The following DDC variants were observed in gnomAD, a reference collection of about 807,000 sequenced individuals.
DDC encodes the protein dopa decarboxylase.
In DDC, 43 loss-of-function variants were observed where a neutral mutation model predicts 60.0. The ratio of observed to expected loss-of-function variants is 0.72; its 90% CI spans 0.56 to 0.92. DDC has a LOEUF of 0.92. Ranked by LOEUF, DDC falls within the 40% of genes least tolerant of loss-of-function variation. DDC has a pLI of 0.00. For synonymous variants in DDC, 232 were observed against 234.6 expected (o/e 0.99, Z 0.10); for missense variants, 573 against 620.2 (o/e 0.92, Z 0.81).
chr7:50,467,185 A>G, intron 13 of DDC, 29 bp downstream of exon 13: 9 of 1,566,776 alleles, frequency 5.7e-6, no homozygotes, highest in Non-Finnish European at 7.9e-6. Flanking sequence ...ATTCACAGAA[A>G]ATGAAGAATG....
In DDC at chr7:50,465,245, T is replaced by C. The variant is rs765302471; in HGVS notation, c.1243-1814A>G. Among the ~76,000 whole-genome samples, 9 of 152,188 alleles carry C rather than the reference T, an allele frequency of 5.9e-5. 1 individual carries two copies. Among genetic ancestry groups the C allele is most frequent in the Admixed American group, 1.3e-4 (2 of 15,282 alleles). ...AAACCTACAGAGACAGAAAACAGAT[T>C]AGTAGCCCTGAGGATGGGGAAAGTG... is the stretch of plus-strand genomic sequence containing the variant. On this transcript the variant is annotated intron_variant, in intron 13 of 14. Coordinates refer to ENST00000444124, the MANE Select transcript of DDC (RefSeq NM_001082971.2).
chr7:50,522,058 G>C (rs1204097418), intron 6 of DDC, among the ~76,000 whole-genome samples: 1 of 151,944 alleles, frequency 6.6e-6, no homozygotes, highest in Non-Finnish European at 1.5e-5. Flanking sequence ...AACTCTCCCA[G>C]AACTAAGTAA....
chr7:50,524,223 T>C (rs140035508), intron 6 of DDC, among the ~76,000 whole-genome samples: 18 of 152,308 alleles, frequency 1.2e-4, no homozygotes, highest in Non-Finnish European at 2.2e-4. Context: ...CTATTCTGTG[T>C]AACACTGAAA....
chr7:50,461,148 A>G (rs145549840), intron 14 of DDC, among the ~76,000 whole-genome samples: 327 of 152,334 alleles, frequency 2.1e-3, no homozygotes, highest in African/African-American at 7.1e-3. Flanking sequence ...AATTTCTCCA[A>G]TGAAACAGAG....
intron 1 of DDC, among the ~76,000 whole-genome samples, chr7:50,556,409 G>A (rs2045189337): frequency 6.6e-6 from 1 of 152,024 alleles, no homozygotes; most frequent in Non-Finnish European, 1.5e-5. Context: ...CATTCATGAG[G>A]GCTCTGACTT....
At chr7:50,532,441 C>G (rs960078864) in intron 4 of DDC, among the ~76,000 whole-genome samples, 2 of 152,200 alleles carry the variant, frequency 1.3e-5, no homozygotes, top group Non-Finnish European at 2.9e-5. Context: ...CTCTGGACAC[C>G]AACCCAAGCC....
At chr7:50,467,183 A>G (rs1159632756) in intron 13 of DDC, 31 bp downstream of exon 13, 1 of 1,566,722 alleles carries the variant, frequency 6.4e-7, no homozygotes, top group Non-Finnish European at 8.8e-7. Context: ...ACATTCACAG[A>G]AAATGAAGAA....
At position 50,514,998 on chromosome 7, in the gene DDC, G is replaced by A. The variant is rs569676201; in HGVS notation, c.715-10939C>T. On this transcript the variant is annotated intron_variant, in intron 6 of 14. Transcript: ENST00000444124. ...AAGGTTGGAAAACATATTTGGGGGA[G>A]TAATTGAGGAAAATTTCCCCGACCT... is the stretch of plus-strand genomic sequence containing the variant. 2.0e-5 allele frequency among the ~76,000 whole-genome samples: 3 copies of A among 152,304 alleles called. No homozygotes were observed. The South Asian group carries it at 6.2e-4, about 32-fold the overall frequency.
chr7:50,471,821 C>G (rs2042539473), intron 11 of DDC, among the ~76,000 whole-genome samples: 1 of 152,146 alleles, frequency 6.6e-6, no homozygotes, highest in Admixed American at 6.5e-5. Flanking sequence ...AGAAGAACCC[C>G]TTATCCCACC....
At chr7:50,523,674 C>T (rs2043959048) in intron 6 of DDC, among the ~76,000 whole-genome samples, 1 of 152,132 alleles carries the variant, frequency 6.6e-6, no homozygotes, top group Admixed American at 6.5e-5. Flanking sequence ...AAAAAATTAA[C>T]AGCTGACAAA....
intron 1 of DDC, among the ~76,000 whole-genome samples, chr7:50,561,239 T>A (rs1199440977): frequency 6.6e-6 from 1 of 151,754 alleles, no homozygotes; most frequent in East Asian, 2.0e-4. Flanking sequence ...CCTAGCAGGA[T>A]GGAGAGGAGC....
intron 4 of DDC, among the ~76,000 whole-genome samples, chr7:50,535,104 T>A (rs2044352903): frequency 6.6e-6 from 1 of 152,200 alleles, no homozygotes; most frequent in South Asian, 2.1e-4. Flanking sequence ...AATGGTATGG[T>A]TCACAGCAAC....
chr7:50,528,129 G>A lies in DDC; in HGVS notation c.714+8C>T, dbSNP rs765510502. The A allele has an allele frequency of 3.1e-6, 5 of 1,612,284 alleles. No homozygotes were observed. Among genetic ancestry groups the A allele is most frequent in the Admixed American group, 3.3e-5 (2 of 60,006 alleles). ...TTGGCCAGGAGCCACAAGTGCTGCC[G>A]AACTTACAAAGAAAGGAATCAGGCC... On this transcript the variant is annotated splice_region_variant and intron_variant, in intron 6 of 14. Coordinates refer to ENST00000444124, the MANE Select transcript of DDC (RefSeq NM_001082971.2).
At chr7:50,562,360 A>T (rs11575259) in intron 1 of DDC, among the ~76,000 whole-genome samples, 1,608 of 152,342 alleles carry the variant, frequency 0.011, 30 homozygotes, top group African/African-American at 0.037. Flanking sequence ...CCATCTGCAC[A>T]GAGGGCAAGA....
chr7:50,462,428 G>A (rs1352795499), intron 14 of DDC, among the ~76,000 whole-genome samples: 2 of 152,114 alleles, frequency 1.3e-5, no homozygotes, highest in African/African-American at 4.8e-5. Context: ...ACTGCATGCT[G>A]TCTCCAGGGT....
At chr7:50,528,002 T>C in intron 6 of DDC, 135 bp downstream of exon 6, 1 of 1,024,280 alleles carries the variant, frequency 9.8e-7, no homozygotes, top group Middle Eastern at 3.2e-4. Context: ...GTTCACGCCA[T>C]TCTCCTGCCT....
In DDC at chr7:50,540,712, C is replaced by T. The variant is rs559257378; in HGVS notation, c.202-684G>A. Among the ~76,000 whole-genome samples the T allele has an allele frequency of 2.6e-5, 4 of 152,308 alleles. No homozygotes were observed. The South Asian group carries it at 8.3e-4, about 32-fold the overall frequency. On this transcript the variant is annotated intron_variant, in intron 2 of 14. Coordinates refer to ENST00000444124, the MANE Select transcript of DDC (RefSeq NM_001082971.2). ...TGGCTAGGGGCATCCCACCTTTCTC[C>T]AGCCCATAAGGTGAACACCTGCCAC...
chr7:50,549,482 C>G (rs1437043107), intron 1 of DDC, among the ~76,000 whole-genome samples: 1 of 152,060 alleles, frequency 6.6e-6, no homozygotes, highest in Non-Finnish European at 1.5e-5. Context: ...GAAACCCCAT[C>G]TGTACTAAAA....
rs1159354045 is a variant in DDC, at chr7:50,525,836, G to T, written c.714+2301C>A. On this transcript the variant is annotated intron_variant, in intron 6 of 14. Coordinates refer to ENST00000444124, the MANE Select transcript of DDC (RefSeq NM_001082971.2). ...AATTATGAGCATGACATATTTATCA[G>T]CTAGGCATAGCTAAAGAGATTAATT... 2.6e-5 allele frequency among the ~76,000 whole-genome samples: 4 copies of T among 151,844 alleles called. No individual in the cohort carries two copies. In the East Asian group the frequency reaches 5.8e-4, roughly 22 times the overall value.
Sources: gnomAD v4.1 joint callset for allele counts (sites outside exome capture counted in the v4.1 genomes callset) on GRCh38, gnomAD v4.1.1 for gene constraint, MANE v1.5 for transcripts, NCBI Gene and HGNC (gene_info 2026-07-23, HGNC 2026-07-21) for gene names.